NVL: variants seen among roughly 807,000 people sequenced by gnomAD.
The protein encoded by NVL is nuclear valosin-containing protein-like.
A neutral mutation model predicts 110.2 loss-of-function variants in NVL; 84 were observed. That is an observed-to-expected ratio of 0.76 (90% confidence interval 0.64 to 0.91). NVL has a LOEUF of 0.91. Ranked by LOEUF, NVL falls within the 40% of genes least tolerant of loss-of-function variation. NVL has a pLI of 0.00. For synonymous variants in NVL, 354 were observed against 361.1 expected, an observed-to-expected ratio of 0.98 and a Z score of 0.22; for missense variants, 882 against 1,035.9, an observed-to-expected ratio of 0.85 and a Z score of 2.04.
chr1:224,312,880 ATTTT>A (rs1159514298), intron 4 of NVL: 2 of 143,212 alleles, frequency 1.4e-5, no homozygotes, highest in East Asian at 2.0e-4. Context: ...TATTTAAATA[ATTTT>A]TTTTTTTTTT....
At chr1:224,323,797 G>A (rs1670888177) in intron 2 of NVL, among the ~76,000 whole-genome samples, 1 of 152,206 alleles carries the variant, frequency 6.6e-6, no homozygotes. Flanking sequence ...AGCCCACAGG[G>A]CAGGGCATCA....
At chr1:224,308,551 C>T (rs911000359) in intron 5 of NVL, among the ~76,000 whole-genome samples, 3 of 151,662 alleles carry the variant, frequency 2.0e-5, no homozygotes, top group South Asian at 2.1e-4. Flanking sequence ...ATTAGCCGGG[C>T]GCAGTGGTAG....
intron 19 of NVL, among the ~76,000 whole-genome samples, chr1:224,243,794 T>G (rs902809579): frequency 1.3e-5 from 2 of 151,376 alleles, no homozygotes; most frequent in African/African-American, 4.9e-5. Context: ...CCCAAGTAGC[T>G]GGGATTACAG....
intron 18 of NVL, among the ~76,000 whole-genome samples, chr1:224,252,446 C>T (rs1168499431): frequency 6.6e-6 from 1 of 152,156 alleles, no homozygotes; most frequent in Non-Finnish European, 1.5e-5. Flanking sequence ...TGTTCAGACA[C>T]AGGCTATAAT....
At chr1:224,310,616 A>G (rs1669417930) in intron 5 of NVL, among the ~76,000 whole-genome samples, 1 of 152,228 alleles carries the variant, frequency 6.6e-6, no homozygotes, top group South Asian at 2.1e-4. Context: ...CTGAACACAG[A>G]AAGTGTTCAA....
chr1:224,247,541 C>T (rs1249745408), intron 19 of NVL, among the ~76,000 whole-genome samples: 13 of 151,970 alleles, frequency 8.6e-5, no homozygotes, highest in South Asian at 4.2e-4. Flanking sequence ...TGGTGGTGCA[C>T]GCCTGTAATC....
intron 21 of NVL, among the ~76,000 whole-genome samples, 200 bp from the exon 22 acceptor site, chr1:224,231,496 G>A (rs1659870633): frequency 6.6e-6 from 1 of 152,112 alleles, no homozygotes; most frequent in South Asian, 2.1e-4. Flanking sequence ...ACCACCCAAA[G>A]AGATCTGCCA....
At chr1:224,239,346 A>G (rs1470100794) in intron 19 of NVL, among the ~76,000 whole-genome samples, 2 of 152,126 alleles carry the variant, frequency 1.3e-5, no homozygotes, top group East Asian at 3.8e-4. Context: ...TTTCCAGATG[A>G]GTATATATAA....
intron 11 of NVL, 91 bp downstream of exon 11, chr1:224,296,410 C>T: frequency 3.0e-6 from 2 of 661,058 alleles, no homozygotes; most frequent in Non-Finnish European, 4.9e-6. Flanking sequence ...TTGATATTTA[C>T]TATATGAATA....
intron 15 of NVL, among the ~76,000 whole-genome samples, chr1:224,282,195 A>T (rs1310233057): frequency 6.6e-6 from 1 of 151,696 alleles, no homozygotes; most frequent in Admixed American, 6.6e-5. Flanking sequence ...CCTTCCGAGG[A>T]GCTGGGATTA....
At chr1:224,320,823 G>T (rs540016065) in intron 2 of NVL, among the ~76,000 whole-genome samples, 21 of 152,158 alleles carry the variant, frequency 1.4e-4, no homozygotes, top group East Asian at 1.2e-3. Flanking sequence ...TTAATTTTTT[G>T]ATTTTTTTTG....
chr1:224,227,807 A>G (rs3767732), intron 22 of NVL, 137 bp from the exon 23 acceptor site: 48,394 of 620,510 alleles, frequency 0.078, 2,862 homozygotes, highest in East Asian at 0.29. Flanking sequence ...GAGGGTCTTT[A>G]TAGAGGAGAC....
At chr1:224,294,459 C>T (rs368163228) in intron 11 of NVL, 48 bp from the exon 12 acceptor site, 81 of 1,577,742 alleles carry the variant, frequency 5.1e-5, no homozygotes, top group African/African-American at 6.7e-5. Flanking sequence ...TTGACACTGA[C>T]GGCAATAATG....
At chr1:224,233,654 G>A (rs77961221) in intron 20 of NVL, among the ~76,000 whole-genome samples, 1 of 152,290 alleles carries the variant, frequency 6.6e-6, no homozygotes, top group Non-Finnish European at 1.5e-5. Flanking sequence ...AGGCACTGGG[G>A]AGGCTTAGGT....
intron 19 of NVL, among the ~76,000 whole-genome samples, chr1:224,248,593 A>G (rs918817387): frequency 1.3e-5 from 2 of 152,238 alleles, no homozygotes; most frequent in African/African-American, 4.8e-5. Flanking sequence ...AATACTAAAA[A>G]AAGTTAAACA....
chr1:224,232,919 A>G (rs1034848917), intron 21 of NVL: 9 of 277,984 alleles, frequency 3.2e-5, no homozygotes, highest in African/African-American at 2.0e-4. Flanking sequence ...ACGTTTTTCC[A>G]GAATTGATAA....
chr1:224,281,026 C>T (rs1666255780), intron 16 of NVL, 97 bp downstream of exon 16: 4 of 1,125,996 alleles, frequency 3.6e-6, no homozygotes, highest in Non-Finnish European at 4.0e-6. Flanking sequence ...TACCAAAATA[C>T]CACAATTGCT....
chr1:224,287,861 C>T lies in NVL; in HGVS notation c.1708G>A (p.Glu570Lys). 6.2e-7 allele frequency: 1 copy of T among 1,614,118 alleles called. No individual in the cohort carries two copies. The change falls in exon 14 of 23, where the codon GAA becomes AAA. Residue 570 changes from glutamate to lysine, a missense_variant. Glu to Lys is a moderately conservative substitution (Grantham distance 56). Coordinates refer to ENST00000281701, the MANE Select transcript of NVL (RefSeq NM_002533.4). ...LSSVQPSAKR[E>K]GFVTVPNVTW... is the part of the protein sequence containing the mutation. Reference sequence around the variant, plus strand: ...ACATTAGGGACAGTGACAAAGCCTTCCCTTTTGGCAGAGGGTTGGACTGAG... The same window carrying T: ...ACATTAGGGACAGTGACAAAGCCTTTCCTTTTGGCAGAGGGTTGGACTGAG...
At chr1:224,265,160 C>T (rs1388129221) in intron 18 of NVL, among the ~76,000 whole-genome samples, 5 of 152,184 alleles carry the variant, frequency 3.3e-5, no homozygotes, top group East Asian at 3.9e-4. Context: ...AACAAAACAC[C>T]GGTACCACAT....
Sources: allele counts gnomAD v4.1 joint callset (sites outside exome capture counted in the v4.1 genomes callset), GRCh38; gene constraint gnomAD v4.1.1; transcripts MANE v1.5; gene names NCBI Gene and HGNC (gene_info 2026-07-23, HGNC 2026-07-21).